EXTL3: variants seen among roughly 807,000 people sequenced by gnomAD.
EXTL3 encodes exostosin-like 3.
A neutral mutation model predicts 69.3 loss-of-function variants in EXTL3; 27 were observed. The observed-to-expected ratio is 0.39, with a 90% confidence interval of 0.29 to 0.54. The LOEUF (loss-of-function observed/expected upper bound fraction) is 0.54. Ranked by LOEUF, EXTL3 falls within the 20% of genes least tolerant of loss-of-function variation. EXTL3 has a pLI of 0.69. For synonymous variants in EXTL3, 511 were observed against 499.4 expected (o/e 1.02, Z -0.31); for missense variants, 1,003 against 1,231.8 (o/e 0.81, Z 2.78).
At chr8:28,665,490 C>T (rs1453993840) in intron 1 of EXTL3, among the ~76,000 whole-genome samples, 1 of 148,094 alleles carries the variant, frequency 6.8e-6, no homozygotes, top group Non-Finnish European at 1.5e-5. Flanking sequence ...TGGCTCACTA[C>T]AGCCTCAATC....
intron 1 of EXTL3, among the ~76,000 whole-genome samples, chr8:28,655,222 G>A (rs547541473): frequency 1.3e-5 from 2 of 152,244 alleles, no homozygotes; most frequent in East Asian, 3.9e-4. Context: ...AAGGTGGGAG[G>A]ATCACTTGAG....
intron 1 of EXTL3, among the ~76,000 whole-genome samples, chr8:28,681,914 G>A (rs564457400): frequency 5.9e-5 from 9 of 152,242 alleles, no homozygotes; most frequent in South Asian, 2.1e-4. Context: ...TTAGCCAGGC[G>A]TGGTGGCACA....
At chr8:28,747,359 A>G (rs1005693222) in intron 6 of EXTL3, among the ~76,000 whole-genome samples, 4 of 152,218 alleles carry the variant, frequency 2.6e-5, no homozygotes, top group Non-Finnish European at 4.4e-5. Context: ...TGTGGAGGTC[A>G]TGACTGTCCA....
At chr8:28,657,670 A>G (rs1807033116) in intron 1 of EXTL3, among the ~76,000 whole-genome samples, 1 of 151,758 alleles carries the variant, frequency 6.6e-6, no homozygotes, top group South Asian at 2.1e-4. Flanking sequence ...TTGCTTTGTA[A>G]GAGTCATCTG....
intron 6 of EXTL3, chr8:28,743,899 G>A (rs1462352452): frequency 6.5e-6 from 1 of 154,446 alleles, no homozygotes; most frequent in Non-Finnish European, 1.4e-5. Context: ...ATAGTGCCTG[G>A]CACATAAGTA....
At chr8:28,648,168 C>T (rs568971479) in intron 1 of EXTL3, among the ~76,000 whole-genome samples, 1 of 152,170 alleles carries the variant, frequency 6.6e-6, no homozygotes, top group Non-Finnish European at 1.5e-5. Flanking sequence ...TTATGTCTTT[C>T]TGATGCTGAG....
chr8:28,663,903 G>A (rs1441003341), intron 1 of EXTL3, among the ~76,000 whole-genome samples: 4 of 152,224 alleles, frequency 2.6e-5, no homozygotes, highest in Middle Eastern at 3.2e-3. Context: ...ATTGCTGGCG[G>A]CAGGCTAAAT....
Position 28,717,431 on chromosome 8 carries a change from G to A in EXTL3, c.1372G>A (p.Gly458Ser), listed in dbSNP as rs767892861. The A allele has an allele frequency of 2.5e-6, 4 of 1,614,160 alleles. No homozygotes were observed. The highest frequency in any genetic ancestry group is 1.1e-5 in the South Asian group (1 of 91,084). Residue 458 changes from glycine to serine, a missense_variant, in exon 3 of 7, where the codon GGT (glycine) becomes AGT (serine). Gly to Ser is a moderately conservative substitution (Grantham distance 56). Coordinates refer to ENST00000220562, the MANE Select transcript of EXTL3 (RefSeq NM_001440.4). The surrounding 1 kb of genome is among the most constrained non-coding windows in gnomAD (Gnocchi z 8.3). ...ATRLFEALEV[G>S]AVPVVLGEQV... ...ACGGCTCTTCGAAGCCCTGGAAGTC[G>A]GTGCCGTCCCGGTGGTGCTGGGGGA...
chr8:28,735,408 C>T (rs1801629867), intron 4 of EXTL3, among the ~76,000 whole-genome samples: 1 of 152,120 alleles, frequency 6.6e-6, no homozygotes, highest in Non-Finnish European at 1.5e-5. Context: ...GCTTCCAAGC[C>T]CCTGATTTAG....
chr8:28,727,527 A>G (rs1469015275), intron 3 of EXTL3, among the ~76,000 whole-genome samples: 1 of 152,188 alleles, frequency 6.6e-6, no homozygotes, highest in Non-Finnish European at 1.5e-5. Context: ...TAGATATCAA[A>G]TCATTGTAGT....
chr8:28,756,429 AT>A (rs1346224965), downstream of EXTL3, among the ~76,000 whole-genome samples: 7 of 152,138 alleles, frequency 4.6e-5, no homozygotes, highest in African/African-American at 1.4e-4. Flanking sequence ...TGCTGAATAG[AT>A]TGGTGATTAG....
chr8:28,746,193 C>T (rs1450172092), intron 6 of EXTL3, among the ~76,000 whole-genome samples: 1 of 152,090 alleles, frequency 6.6e-6, no homozygotes, highest in Non-Finnish European at 1.5e-5. Flanking sequence ...TTGACTGCTT[C>T]GTATGATTGG....
intron 6 of EXTL3, among the ~76,000 whole-genome samples, chr8:28,747,416 C>G (rs1801909675): frequency 1.3e-5 from 2 of 152,180 alleles, no homozygotes; most frequent in African/African-American, 4.8e-5. Flanking sequence ...TGGCCTGTGT[C>G]TCCTCCCAGT....
At chr8:28,721,513 T>A (rs1371716552) in intron 3 of EXTL3, among the ~76,000 whole-genome samples, 1 of 152,236 alleles carries the variant, frequency 6.6e-6, no homozygotes, top group African/African-American at 2.4e-5. Flanking sequence ...CAACAGTAAT[T>A]CTCCCTGTGT....
At position 28,752,584 on chromosome 8, in the gene EXTL3, T is replaced by G. The variant is rs1054511956; in HGVS notation, c.*1718T>G. The G allele has an allele frequency of 1.3e-5, 2 of 152,666 alleles. No individual in the cohort carries two copies. Among genetic ancestry groups the G allele is most frequent in the African/African-American group, 4.8e-5 (2 of 41,458 alleles). The allele number at this position is 152,666 out of a possible 1,614,324, so 9.5% of individuals were successfully genotyped here. ...GGGCTAGCTCGGCTTAAGGGAACTC[T>G]CCCCATTGGCAAACCGGACCCGGCC... On this transcript the variant is annotated 3_prime_UTR_variant, in exon 7 of 7. Transcript: ENST00000220562.
At chr8:28,654,667 A>G (rs1437662374) in intron 1 of EXTL3, among the ~76,000 whole-genome samples, 2 of 152,230 alleles carry the variant, frequency 1.3e-5, no homozygotes, top group African/African-American at 4.8e-5. Context: ...CATCTCTAAT[A>G]CCATCTTCTA....
Position 28,712,420 on chromosome 8 carries a change from A to T in EXTL3, c.-569-1037A>T, listed in dbSNP as rs375145705. ...GTCCTGGTTGCTGTGTATGGAGTGC[A>T]TTGTAGGGGCAGGAATGGAGGCCAG... On this transcript the variant is annotated intron_variant, in intron 1 of 6. Transcript: ENST00000220562. Among the ~76,000 whole-genome samples the T allele has an allele frequency of 2.1e-4, 32 of 152,144 alleles. 1 individual carries two copies. Among genetic ancestry groups the T allele is most frequent in the African/African-American group, 7.7e-4 (32 of 41,506 alleles).
chr8:28,624,812 T>G (rs2130548709), intron 1 of EXTL3, among the ~76,000 whole-genome samples: 1 of 152,064 alleles, frequency 6.6e-6, no homozygotes, highest in East Asian at 1.9e-4. Context: ...TGCACAGTGG[T>G]TTGCAAACAT....
rs373044711 is a variant in EXTL3, at chr8:28,716,859, G to A, written c.800G>A (p.Arg267Gln). 27 of 1,614,064 alleles carry A rather than the reference G, an allele frequency of 1.7e-5. No individual in the cohort carries two copies. Among genetic ancestry groups the A allele is most frequent in the African/African-American group, 2.7e-5 (2 of 74,922 alleles). ...CAGTTGTATTCCCTGCCACACTGGC[G>A]GACGGATGGACACAACCATGTCATC... is the stretch of plus-strand genomic sequence containing the variant. ...EKQLYSLPHW[R>Q]TDGHNHVIIN... Residue 267 changes from arginine (R) to glutamine (Q), a missense_variant, in exon 3 of 7, where the codon CGG becomes CAG. Arg to Gln is a conservative substitution (Grantham distance 43). Transcript: ENST00000220562. This position sits in a 1 kb window ranked among gnomAD's most constrained non-coding sequence, Gnocchi z 7.1.
Sources: allele counts gnomAD v4.1 joint callset (sites outside exome capture counted in the v4.1 genomes callset), GRCh38; gene constraint gnomAD v4.1.1; non-coding constraint Gnocchi (gnomAD v3.1); transcripts MANE v1.5; gene names NCBI Gene and HGNC (gene_info 2026-07-23, HGNC 2026-07-21).